Variants in DHX15 observed in about 807,000 individuals in gnomAD.
DHX15 encodes the protein ATP-dependent RNA helicase DHX15.
DHX15 carries 11 observed loss-of-function variants against 94.4 expected under a neutral mutation model. That is an observed-to-expected ratio of 0.12 (90% CI 0.07 to 0.19). The LOEUF (loss-of-function observed/expected upper bound fraction) is 0.19, where lower values mean the gene tolerates loss of function less well. Among genes scored for constraint, DHX15 ranks in the 10% least tolerant of loss-of-function variants. DHX15 has a pLI of 1.00. For missense variants in DHX15, 304 were observed against 988.5 expected, an observed-to-expected ratio of 0.31 and a Z score of 9.29; for synonymous variants, 338 against 329.9, an observed-to-expected ratio of 1.02 and a Z score of -0.27.
chr4:24,555,728 A>G (rs1161688160), intron 4 of DHX15, among the ~76,000 whole-genome samples: 2 of 152,216 alleles, frequency 1.3e-5, no homozygotes, highest in Non-Finnish European at 2.9e-5. Flanking sequence ...AAATGTCAGA[A>G]AATAGTTTTA....
chr4:24,540,379 T>A, intron 9 of DHX15, 80 bp from the exon 10 acceptor site: 10 of 1,243,716 alleles, frequency 8.0e-6, no homozygotes, highest in South Asian at 1.7e-5. Context: ...TTATAAGCAA[T>A]CTCATTTTTC....
chr4:24,553,094 G>T (rs1053394993), intron 5 of DHX15, among the ~76,000 whole-genome samples: 7 of 152,064 alleles, frequency 4.6e-5, no homozygotes, highest in African/African-American at 1.7e-4. Flanking sequence ...AGGCCGAGGC[G>T]GGTGGATCAC....
rs986532541 is a variant in DHX15 at position 24,576,730 on chromosome 4, C to T, written c.72-52G>A. Reference sequence around the variant, plus strand: ...TTCTGAATTTTATGCAGAATGTTCACGGTAGCGTTATAATCACAAAGAGAG... The same window carrying T: ...TTCTGAATTTTATGCAGAATGTTCATGGTAGCGTTATAATCACAAAGAGAG... On this transcript the variant is annotated intron_variant, in intron 1 of 13. Coordinates refer to ENST00000336812, the MANE Select transcript of DHX15 (RefSeq NM_001358.3). 1.1e-5 allele frequency: 17 copies of T among 1,585,238 alleles called. No homozygotes were observed. In the Admixed American group the frequency reaches 1.6e-4, roughly 15 times the overall value.
intron 12 of DHX15, 66 bp from the exon 13 acceptor site, chr4:24,529,836 C>A (rs1721037287): frequency 6.6e-7 from 1 of 1,506,568 alleles, no homozygotes; most frequent in Non-Finnish European, 9.2e-7. Context: ...AAGCTACCTA[C>A]ATAATTAGGA....
chr4:24,547,919 A>G (rs113621004), intron 6 of DHX15, among the ~76,000 whole-genome samples: 1,367 of 25,220 alleles, frequency 0.054, 54 homozygotes, highest in Admixed American at 0.21. Flanking sequence ...ATATATATAT[A>G]TATATATATA....
intron 2 of DHX15, among the ~76,000 whole-genome samples, chr4:24,575,562 A>C (rs977180510): frequency 6.6e-6 from 1 of 152,206 alleles, no homozygotes; most frequent in Non-Finnish European, 1.5e-5. Flanking sequence ...CTACATGCTC[A>C]TGGAAAGGTA....
chr4:24,553,857 T>C (rs1053557993), intron 5 of DHX15, among the ~76,000 whole-genome samples: 4 of 152,168 alleles, frequency 2.6e-5, no homozygotes, highest in African/African-American at 9.7e-5. Flanking sequence ...AAATAGCTTC[T>C]GAATTTATTT....
intron 6 of DHX15, among the ~76,000 whole-genome samples, chr4:24,545,873 A>T (rs1721411418): frequency 6.6e-6 from 1 of 152,250 alleles, no homozygotes; most frequent in South Asian, 2.1e-4. Context: ...AGCCTTAAAA[A>T]GTGTTCAAAC....
chr4:24,541,763 A>G (rs1721318331), intron 8 of DHX15, 110 bp downstream of exon 8: 1 of 1,141,008 alleles, frequency 8.8e-7, no homozygotes, highest in Non-Finnish European at 1.2e-6. Context: ...AAAGCTAAGG[A>G]GCTTTTAATC....
chr4:24,535,845 A>ATG (rs1328197201), intron 11 of DHX15, among the ~76,000 whole-genome samples: 2 of 152,180 alleles, frequency 1.3e-5, no homozygotes, highest in African/African-American at 4.8e-5. Flanking sequence ...TATAACTGAG[A>ATG]TGTTTATGAG....
In DHX15 at chr4:24,561,991, C is replaced by T. The variant is rs544258437; in HGVS notation, c.702-5581G>A. Among the ~76,000 whole-genome samples, 23 of 152,028 alleles carry T rather than the reference C, an allele frequency of 1.5e-4. No homozygotes were observed. In the South Asian group the frequency reaches 2.9e-3, roughly 19 times the overall value. Reference sequence around the variant, plus strand: ...CCAAAAAATACAAAAATTCACCAGGCGTGGTGGCGTGCACCTGTAGCCCCA... The same window carrying T: ...CCAAAAAATACAAAAATTCACCAGGTGTGGTGGCGTGCACCTGTAGCCCCA... On this transcript the variant is annotated intron_variant, in intron 3 of 13. Transcript: ENST00000336812.
intron 1 of DHX15, among the ~76,000 whole-genome samples, chr4:24,581,517 G>C (rs1205625494): frequency 6.6e-6 from 1 of 152,214 alleles, no homozygotes; most frequent in Non-Finnish European, 1.5e-5. Context: ...AGATGGAGAT[G>C]AAGATTTTAG....
At chr4:24,579,545 A>C (rs1722358029) in intron 1 of DHX15, among the ~76,000 whole-genome samples, 1 of 152,208 alleles carries the variant, frequency 6.6e-6, no homozygotes, top group Non-Finnish European at 1.5e-5. Flanking sequence ...GAGGTATGAC[A>C]TGACACAGTT....
At position 24,554,854 on chromosome 4, in the gene DHX15, A is replaced by G. The variant is rs371914542; in HGVS notation, c.951T>C (p.His317=). Residue 317 remains histidine, a synonymous_variant, in exon 5 of 14, where the codon CAT becomes CAC. Coordinates refer to ENST00000336812, the MANE Select transcript of DHX15 (RefSeq NM_001358.3). The part of the protein sequence containing the change: ...CPLLTIPGRT[H]PVEIFYTPEP... ...CTGGAGTATAGAAGATCTCAACAGGATGTGTACGCCCAGGAATAGTTAGGA... is the reference window on the plus strand; with the variant it reads ...CTGGAGTATAGAAGATCTCAACAGGGTGTGTACGCCCAGGAATAGTTAGGA... 16 of 1,613,684 alleles carry G rather than the reference A, an allele frequency of 9.9e-6. 1 individual carries two copies. The African/African-American group carries it at 1.2e-4, about 12-fold the overall frequency.
intron 3 of DHX15, among the ~76,000 whole-genome samples, chr4:24,559,541 G>C (rs1348427089): frequency 1.3e-5 from 2 of 152,098 alleles, no homozygotes; most frequent in East Asian, 3.9e-4. Flanking sequence ...TTATGTAAGA[G>C]TCAAGTTTTA....
chr4:24,549,170 T>G (rs907170711), intron 5 of DHX15, 148 bp from the exon 6 acceptor site: 1 of 602,222 alleles, frequency 1.7e-6, no homozygotes, highest in Non-Finnish European at 2.6e-6. Flanking sequence ...AAAACTAATT[T>G]AGCAAATTTC....
chr4:24,556,429 G>A lies in DHX15; in HGVS notation c.702-19C>T, dbSNP rs1430576572. ...CATATACCTATATTCCAAAGAACAT[G>A]TTGGTTAAAGGTTCCGTTAGGTCAT... On this transcript the variant is annotated intron_variant, in intron 3 of 13. Coordinates refer to ENST00000336812, the MANE Select transcript of DHX15 (RefSeq NM_001358.3). 1.4e-5 allele frequency: 22 copies of A among 1,586,994 alleles called. No individual in the cohort carries two copies. Among genetic ancestry groups the A allele is most frequent in the Non-Finnish European group, 1.8e-5 (21 of 1,163,882 alleles).
intron 11 of DHX15, among the ~76,000 whole-genome samples, chr4:24,534,401 T>C (rs1405877263): frequency 2.4e-4 from 37 of 152,212 alleles, no homozygotes; most frequent in Admixed American, 2.4e-3. Flanking sequence ...ATTCATGTAC[T>C]ACAGATGGAA....
At position 24,555,153 on chromosome 4, in the gene DHX15, C is replaced by T. The variant is rs377261484; in HGVS notation, c.862-210G>A. On this transcript the variant is annotated intron_variant, in intron 4 of 13. Transcript: ENST00000336812. ...TAAAAATTTAGAAAAAAAATAAATG[C>T]ACAAACTACAGCATTTCTTCATAAA... is the stretch of plus-strand genomic sequence containing the variant. 6.9e-4 allele frequency among the ~76,000 whole-genome samples: 104 copies of T among 151,642 alleles called. 2 individuals carry two copies. The South Asian group carries it at 0.02, about 29-fold the overall frequency.
Sources: allele counts gnomAD v4.1 joint callset (sites outside exome capture counted in the v4.1 genomes callset), GRCh38; gene constraint gnomAD v4.1.1; transcripts MANE v1.5; gene names NCBI Gene and HGNC (gene_info 2026-07-23, HGNC 2026-07-21).